ABCA12: variants seen among roughly 807,000 people sequenced by gnomAD.
ABCA12 encodes the protein glucosylceramide transporter ABCA12.
Under a neutral mutation model 293.5 loss-of-function variants are expected in ABCA12, and 156 were observed. The ratio of observed to expected loss-of-function variants is 0.53; its 90% CI spans 0.47 to 0.61. The LOEUF (loss-of-function observed/expected upper bound fraction) is 0.61. Ranked by LOEUF, ABCA12 falls within the 20% of genes least tolerant of loss-of-function variation. ABCA12 has a pLI of 0.00. For synonymous variants in ABCA12, 1,063 were observed against 1,108.0 expected (o/e 0.96, Z 0.81); for missense variants, 2,797 against 3,090.2 (o/e 0.91, Z 2.25).
At chr2:215,093,571 C>T (rs564287065) in intron 2 of ABCA12, among the ~76,000 whole-genome samples, 2 of 152,328 alleles carry the variant, frequency 1.3e-5, no homozygotes, top group South Asian at 2.1e-4. Context: ...CCAAACAACT[C>T]GATCTTATTG....
chr2:215,094,829 C>T (rs1253918825), intron 2 of ABCA12, among the ~76,000 whole-genome samples: 1 of 150,442 alleles, frequency 6.6e-6, no homozygotes, highest in South Asian at 2.1e-4. Context: ...AGCTGCTGCC[C>T]TCGCTAAATC....
chr2:215,065,297 TAAAAAAAAAAAAAAA>T (rs66466863), intron 2 of ABCA12, among the ~76,000 whole-genome samples: 8 of 45,126 alleles, frequency 1.8e-4, no homozygotes, highest in Non-Finnish European at 2.3e-4. Flanking sequence ...CATGAATGTG[TAAAAAAAAAAAAAAA>T]AAAAAAAAAA....
chr2:215,062,287 A>G (rs375362312), intron 3 of ABCA12, among the ~76,000 whole-genome samples: 16 of 152,188 alleles, frequency 1.1e-4, no homozygotes, highest in African/African-American at 3.9e-4. Flanking sequence ...TGGAACAAGA[A>G]GGAATGCCAT....
chr2:215,062,697 T>A (rs1701554454), intron 3 of ABCA12, among the ~76,000 whole-genome samples: 1 of 115,418 alleles, frequency 8.7e-6, no homozygotes, highest in Admixed American at 9.5e-5. Context: ...CATGCAACAC[T>A]CTCTTCCAGA....
chr2:215,121,532 C>CT (rs1280220718), intron 1 of ABCA12, among the ~76,000 whole-genome samples: 2 of 152,094 alleles, frequency 1.3e-5, no homozygotes, highest in Admixed American at 1.3e-4. Flanking sequence ...AGCTTGGTAC[C>CT]TAAGACCCAG....
At chr2:215,081,499 GAAA>G (rs1559183040) in intron 2 of ABCA12, among the ~76,000 whole-genome samples, 4 of 104,036 alleles carry the variant, frequency 3.8e-5, no homozygotes, top group South Asian at 3.1e-4. Flanking sequence ...AAAAGAAAAA[GAAA>G]AAAGAAAAAG....
chr2:215,019,334 A>C lies in ABCA12; in HGVS notation c.1657+2T>G. The C allele has an allele frequency of 6.2e-7, 1 of 1,605,296 alleles. No individual in the cohort carries two copies. The highest frequency in any genetic ancestry group is 8.5e-7 in the Non-Finnish European group (1 of 1,173,730). ...AGATTTAAAATGTGGATGGGGAAACACCTGGCTTTTCAGAAGCATCTGCAC... is the reference window on the plus strand; with the variant it reads ...AGATTTAAAATGTGGATGGGGAAACCCCTGGCTTTTCAGAAGCATCTGCAC... On this transcript the variant is annotated splice_donor_variant, in intron 13 of 52. Coordinates refer to ENST00000272895, the MANE Select transcript of ABCA12 (RefSeq NM_173076.3). LOFTEE classifies it high-confidence loss of function.
Position 214,948,584 on chromosome 2 carries a change from A to G in ABCA12, c.7104+12T>C, listed in dbSNP as rs1303568115. 2 of 1,613,586 alleles carry G rather than the reference A, an allele frequency of 1.2e-6. No individual in the cohort carries two copies. The highest frequency in any genetic ancestry group is 8.5e-7 in the Non-Finnish European group (1 of 1,179,722). On this transcript the variant is annotated intron_variant, in intron 47 of 52. Coordinates refer to ENST00000272895, the MANE Select transcript of ABCA12 (RefSeq NM_173076.3). Reference sequence around the variant, plus strand: ...GGTTTCAAATTAAGTAATTTTTCACACTTGTACTCACTTCTTTAATATCCT... The same window carrying G: ...GGTTTCAAATTAAGTAATTTTTCACGCTTGTACTCACTTCTTTAATATCCT...
chr2:214,934,218 G>T lies in ABCA12; in HGVS notation c.7543-3C>A, dbSNP rs1698150700. The T allele has an allele frequency of 6.2e-7, 1 of 1,613,506 alleles. No individual in the cohort carries two copies. On this transcript the variant is annotated splice_polypyrimidine_tract_variant and splice_region_variant and intron_variant, in intron 51 of 52. Transcript: ENST00000272895. ...TCTAGCATGCTGAGGTGCTGATCCTGTGGGAACCAAAGGAAAAAAGTTTAT... is the reference window on the plus strand; with the variant it reads ...TCTAGCATGCTGAGGTGCTGATCCTTTGGGAACCAAAGGAAAAAAGTTTAT...
In ABCA12 at chr2:215,037,039, T is replaced by C. The variant is rs778915456; in HGVS notation, c.899A>G (p.Tyr300Cys). Residue 300 changes from tyrosine to cysteine, a missense_variant, in exon 8 of 53, where the codon TAT (tyrosine) becomes TGT (cysteine). By Grantham distance (194) the Tyr-to-Cys change is radical (BLOSUM62 -2). This residue lies in a region of ABCA12 where 656 missense variants were observed against 638.2 expected (regional missense o/e 1.03). Transcript: ENST00000272895. ...ACCTTCGTTAGTTGCAAAACGTGGATAAACCTTCTGCACAACCAGCAGCAC... is the reference window on the plus strand; with the variant it reads ...ACCTTCGTTAGTTGCAAAACGTGGACAAACCTTCTGCACAACCAGCAGCAC... The part of the protein sequence containing the change: ...NSVLLVVQKV[Y>C]PRFATNEGFR... 4.3e-6 allele frequency: 7 copies of C among 1,613,806 alleles called. No homozygotes were observed. In the Admixed American group the frequency reaches 1.0e-4, roughly 23 times the overall value.
chr2:215,050,496 C>A (rs1320193532), intron 5 of ABCA12, among the ~76,000 whole-genome samples: 1 of 152,012 alleles, frequency 6.6e-6, no homozygotes, highest in Admixed American at 6.6e-5. Context: ...GTATTTTACC[C>A]ATAATGTTGA....
intron 1 of ABCA12, among the ~76,000 whole-genome samples, chr2:215,137,005 A>G (rs931978000): frequency 6.6e-6 from 1 of 151,716 alleles, no homozygotes; most frequent in African/African-American, 2.4e-5. Flanking sequence ...AGAATCAACC[A>G]CATGATAATT....
At chr2:214,978,617 T>TA (rs1699576280) in intron 32 of ABCA12, 151 bp from the exon 33 acceptor site, 1 of 1,128,472 alleles carries the variant, frequency 8.9e-7, no homozygotes, top group Admixed American at 2.1e-5. Flanking sequence ...ATGTAAAAGA[T>TA]ACGTGCTGTC....
chr2:214,975,156 G>C (rs1472066813), intron 34 of ABCA12, among the ~76,000 whole-genome samples: 3 of 152,124 alleles, frequency 2.0e-5, no homozygotes, highest in Non-Finnish European at 4.4e-5. Context: ...GTAGAGACGG[G>C]GTTTTGCCAC....
At chr2:214,997,548 CT>C in intron 23 of ABCA12, 146 bp downstream of exon 23, 1 of 614,224 alleles carries the variant, frequency 1.6e-6, no homozygotes. Context: ...TTATCAGCTG[CT>C]TTTGTGATTT....
intron 2 of ABCA12, among the ~76,000 whole-genome samples, chr2:215,093,155 T>A (rs1418046545): frequency 6.6e-6 from 1 of 152,186 alleles, no homozygotes; most frequent in Non-Finnish European, 1.5e-5. Flanking sequence ...AAAGCCCAGA[T>A]ATCTTCCTCA....
chr2:215,118,944 C>A (rs1702743435), intron 1 of ABCA12, among the ~76,000 whole-genome samples: 1 of 152,000 alleles, frequency 6.6e-6, no homozygotes, highest in African/African-American at 2.4e-5. Context: ...TATTTTCTCC[C>A]ATTCTTTAGG....
intron 1 of ABCA12, among the ~76,000 whole-genome samples, chr2:215,114,134 C>T (rs570255670): frequency 6.6e-6 from 1 of 152,060 alleles, no homozygotes; most frequent in African/African-American, 2.4e-5. Context: ...GCCACCATGC[C>T]CAGCTAATTT....
intron 45 of ABCA12, 147 bp downstream of exon 45, chr2:214,950,732 T>C (rs1362601791): frequency 1.2e-6 from 1 of 808,304 alleles, no homozygotes; most frequent in Non-Finnish European, 2.0e-6. Context: ...CTCAAACTCT[T>C]GACCTCAAGT....
Sources: gnomAD v4.1 joint callset for allele counts (sites outside exome capture counted in the v4.1 genomes callset) on GRCh38, gnomAD v4.1.1 for gene constraint, gnomAD v4.1.1 regional missense constraint, MANE v1.5 for transcripts, NCBI Gene and HGNC (gene_info 2026-07-23, HGNC 2026-07-21) for gene names.